Variants in LRRC4C observed in about 807,000 individuals in gnomAD.
The protein encoded by LRRC4C is leucine rich repeat containing 4C.
LRRC4C carries 5 observed loss-of-function variants against 33.6 expected under a neutral mutation model. The observed-to-expected ratio is 0.15, with a 90% CI of 0.08 to 0.31. The LOEUF (loss-of-function observed/expected upper bound fraction) is 0.31, where lower values mean the gene tolerates loss of function less well. LRRC4C is among the 10% of genes least tolerant of loss of function. The pLI, the probability that LRRC4C is intolerant of heterozygous loss-of-function variation, is 1.00. For synonymous variants in LRRC4C, 329 were observed against 302.0 expected (o/e 1.09, Z -0.93); for missense variants, 560 against 796.7 (o/e 0.70, Z 3.58).
intron 3 of LRRC4C, among the ~76,000 whole-genome samples, chr11:40,397,522 A>AAATT (rs1404466013): frequency 6.6e-6 from 1 of 152,146 alleles, no homozygotes; most frequent in Non-Finnish European, 1.5e-5. Context: ...AGAAAAATTA[A>AAATT]AATTAAATAT....
intron 1 of LRRC4C, among the ~76,000 whole-genome samples, chr11:41,345,866 G>T (rs887841230): frequency 1.3e-5 from 2 of 152,048 alleles, no homozygotes; most frequent in African/African-American, 2.4e-5. Context: ...TTTCAGAAAG[G>T]TATTTGTAAA....
intron 1 of LRRC4C, among the ~76,000 whole-genome samples, chr11:41,134,294 G>A (rs1185506586): frequency 6.6e-6 from 1 of 152,028 alleles, no homozygotes; most frequent in Non-Finnish European, 1.5e-5. Flanking sequence ...TGTAGAGACA[G>A]ACTCTCTCTG....
chr11:40,244,404 G>A (rs193082980), intron 4 of LRRC4C, among the ~76,000 whole-genome samples: 1 of 152,142 alleles, frequency 6.6e-6, no homozygotes, highest in East Asian at 1.9e-4. Context: ...CACCAAATAA[G>A]GTCCCTTTCC....
At chr11:40,515,315 G>A (rs928547918) in intron 3 of LRRC4C, among the ~76,000 whole-genome samples, 3 of 151,914 alleles carry the variant, frequency 2.0e-5, no homozygotes, top group African/African-American at 7.2e-5. Context: ...TTTGTCGAAA[G>A]GAAACCCTCA....
intron 4 of LRRC4C, among the ~76,000 whole-genome samples, chr11:40,255,959 G>T (rs545351119): frequency 1.3e-5 from 2 of 152,240 alleles, no homozygotes; most frequent in East Asian, 1.9e-4. Context: ...AGCTACAAAG[G>T]CTCTAAATCA....
intron 1 of LRRC4C, among the ~76,000 whole-genome samples, chr11:41,080,873 T>A (rs1298669541): frequency 6.6e-6 from 1 of 152,234 alleles, no homozygotes; most frequent in African/African-American, 2.4e-5. Context: ...TCCTAGATTT[T>A]GTATTTTAGT....
At chr11:40,221,076 A>G (rs988990210) in intron 5 of LRRC4C, among the ~76,000 whole-genome samples, 4 of 152,012 alleles carry the variant, frequency 2.6e-5, no homozygotes, top group African/African-American at 7.2e-5. Context: ...GGGTTTCACC[A>G]TGTTGGTCAG....
chr11:40,593,016 A>G (rs967024282), intron 3 of LRRC4C, among the ~76,000 whole-genome samples: 6 of 152,198 alleles, frequency 3.9e-5, no homozygotes, highest in Non-Finnish European at 8.8e-5. Context: ...TGTGCTTTTG[A>G]AGAGAGTAAA....
At chr11:40,621,957 G>A (rs1962501505) in intron 3 of LRRC4C, among the ~76,000 whole-genome samples, 1 of 151,776 alleles carries the variant, frequency 6.6e-6, no homozygotes, top group Admixed American at 6.6e-5. Flanking sequence ...GGGATGGAGA[G>A]CTGGGATTTG....
chr11:40,526,226 G>A (rs974561608), intron 3 of LRRC4C, among the ~76,000 whole-genome samples: 11 of 152,040 alleles, frequency 7.2e-5, no homozygotes, highest in African/African-American at 2.4e-4. Flanking sequence ...ATAAAAACGT[G>A]ATAAATCAGA....
intron 3 of LRRC4C, among the ~76,000 whole-genome samples, chr11:40,469,654 C>T (rs1034399498): frequency 6.6e-6 from 1 of 152,158 alleles, no homozygotes; most frequent in African/African-American, 2.4e-5. Flanking sequence ...GCTGCCAGGA[C>T]AGCAGTCTGA....
At chr11:41,441,624 A>AAG (rs1223031808) in intron 1 of LRRC4C, among the ~76,000 whole-genome samples, 1 of 151,610 alleles carries the variant, frequency 6.6e-6, no homozygotes, top group African/African-American at 2.4e-5. Context: ...TAAAAAAAAA[A>AAG]AAAAAAGATA....
chr11:41,168,269 G>T (rs1439284472), intron 1 of LRRC4C, among the ~76,000 whole-genome samples: 2 of 152,096 alleles, frequency 1.3e-5, no homozygotes, highest in African/African-American at 4.8e-5. Flanking sequence ...AAACCTATCT[G>T]TTAAAAAACT....
In LRRC4C at chr11:41,281,102, TCTCACA is replaced by T. The variant is rs1369292331; in HGVS notation, c.-496+178323_-496+178328del. Among the ~76,000 whole-genome samples the T allele has an allele frequency of 1.1e-3, 123 of 113,506 alleles. 1 individual carries two copies. Among genetic ancestry groups the T allele is most frequent in the African/African-American group, 3.6e-3 (116 of 32,366 alleles). 74.5% of individuals were successfully genotyped at this position (113,506 alleles called of 152,430 possible). A position where few individuals can be genotyped will look rare whatever the true frequency, so the allele number is the denominator to read the frequency against. ...TCCTCTCTCTCTCTCTCTCTCTCTC[TCTCACA>T]CACACACACACACACACACACACAC... is the stretch of plus-strand genomic sequence containing the variant. On this transcript the variant is annotated intron_variant, in intron 1 of 6. Coordinates refer to ENST00000528697, the MANE Select transcript of LRRC4C (RefSeq NM_001258419.2).
At chr11:40,187,852 T>C (rs1861530802) in intron 5 of LRRC4C, among the ~76,000 whole-genome samples, 1 of 151,700 alleles carries the variant, frequency 6.6e-6, no homozygotes, top group Non-Finnish European at 1.5e-5. Flanking sequence ...AAATCAGCCG[T>C]TAGAGGAGAA....
intron 2 of LRRC4C, among the ~76,000 whole-genome samples, chr11:40,783,193 G>A (rs1413584013): frequency 6.6e-6 from 1 of 152,140 alleles, no homozygotes; most frequent in Non-Finnish European, 1.5e-5. Context: ...GAACAAATTT[G>A]TTAATTGTAT....
chr11:41,366,500 A>C (rs1007575332), intron 1 of LRRC4C, among the ~76,000 whole-genome samples: 2 of 152,186 alleles, frequency 1.3e-5, no homozygotes, highest in Non-Finnish European at 2.9e-5. Flanking sequence ...AAATTTTAAA[A>C]TATAATTTAA....
intron 3 of LRRC4C, among the ~76,000 whole-genome samples, chr11:40,601,761 T>C (rs1176719155): frequency 6.6e-6 from 1 of 152,178 alleles, no homozygotes; most frequent in East Asian, 1.9e-4. Context: ...TGCTGATATT[T>C]TTCATGATCA....
chr11:40,452,646 A>G (rs1487495851), intron 3 of LRRC4C, among the ~76,000 whole-genome samples: 1 of 152,212 alleles, frequency 6.6e-6, no homozygotes, highest in Non-Finnish European at 1.5e-5. Flanking sequence ...ATCTAGAACT[A>G]GAAATACCAT....
Sources: allele counts gnomAD v4.1 joint callset (sites outside exome capture counted in the v4.1 genomes callset), GRCh38; gene constraint gnomAD v4.1.1; transcripts MANE v1.5; gene names NCBI Gene and HGNC (gene_info 2026-07-23, HGNC 2026-07-21).